OPRM1: variants seen among roughly 807,000 people sequenced by gnomAD.
The protein encoded by OPRM1 is mu-type opioid receptor.
A neutral mutation model predicts 31.8 loss-of-function variants in OPRM1; 27 were observed. That is an observed-to-expected ratio of 0.85 (90% confidence interval 0.63 to 1.17). The LOEUF is 1.17. Among genes scored for constraint, OPRM1 ranks in the 50% most tolerant of loss-of-function variants. The pLI is 0.00. For missense variants in OPRM1, 536 were observed against 511.1 expected (o/e 1.05, Z -0.47); for synonymous variants, 196 against 189.9 (o/e 1.03, Z -0.26).
chr6:154,091,048 T>C lies in OPRM1; in HGVS notation c.740T>C (p.Val247Ala). 6.2e-7 allele frequency: 1 copy of C among 1,614,230 alleles called. No individual in the cohort carries two copies. The highest frequency in any genetic ancestry group is 8.5e-7 in the Non-Finnish European group (1 of 1,180,032). ...TTCATCTTCGCCTTCATTATGCCAG[T>C]GCTCATCATTACCGTGTGCTATGGA... is the stretch of plus-strand genomic sequence containing the variant. ...CVFIFAFIMP[V>A]LIITVCYGLM... The change falls in exon 3 of 4, where the codon GTG (valine) becomes GCG (alanine). Residue 247 changes from valine (V) to alanine (A), a missense_variant. Physicochemically the swap from Val to Ala is moderately conservative, Grantham distance 64. Transcript: ENST00000330432.
rs1037373122 is a variant in OPRM1, at chr6:154,124,005, T to G, written c.*5284T>G. ...CAGCCCAGTAGGTCTCAGCCTTATTTTACCCAGCCTCTATTCAAGATGGAG... is the reference window on the plus strand; with the variant it reads ...CAGCCCAGTAGGTCTCAGCCTTATTGTACCCAGCCTCTATTCAAGATGGAG... On this transcript the variant is annotated 3_prime_UTR_variant, in exon 4 of 4. Coordinates refer to ENST00000330432, the MANE Select transcript of OPRM1 (RefSeq NM_000914.5). 5.9e-5 allele frequency among the ~76,000 whole-genome samples: 9 copies of G among 152,140 alleles called. No homozygotes were observed. Among genetic ancestry groups the G allele is most frequent in the African/African-American group, 2.2e-4 (9 of 41,430 alleles).
At chr6:154,184,039 G>A (rs996622638) in intron 3 of OPRM1, among the ~76,000 whole-genome samples, 4 of 151,978 alleles carry the variant, frequency 2.6e-5, no homozygotes, top group Admixed American at 6.5e-5. Flanking sequence ...CTGCATATTC[G>A]ATCCCCTGAG....
At chr6:154,045,275 C>T (rs958686195) in intron 1 of OPRM1, among the ~76,000 whole-genome samples, 1 of 152,014 alleles carries the variant, frequency 6.6e-6, no homozygotes, top group Non-Finnish European at 1.5e-5. Context: ...AATACCAAGA[C>T]TAAATGGTGC....
In OPRM1 at chr6:154,162,836, T is replaced by G. The variant is rs185852001; in HGVS notation, c.1164+71364T>G. Among the ~76,000 whole-genome samples, 510 of 152,242 alleles carry G rather than the reference T, an allele frequency of 3.3e-3. 1 individual carries two copies. The highest frequency in any genetic ancestry group is 5.0e-3 in the Non-Finnish European group (342 of 67,990). On this transcript the variant is annotated intron_variant, in intron 3 of 3. Coordinates refer to the OPRM1 transcript ENST00000337049. The stretch of plus-strand genomic sequence containing the variant: ...TTTGTCTAAACTTCCTCTTCAGCAG[T>G]TCCACATCAACCCCTAAGAGGCATC...
At chr6:154,245,124 A>G (rs2128640929) in intron 3 of OPRM1, among the ~76,000 whole-genome samples, 1 of 152,332 alleles carries the variant, frequency 6.6e-6, no homozygotes, top group South Asian at 2.1e-4. Flanking sequence ...GGTTGCCTCA[A>G]TTTGGGTAAA....
chr6:154,086,640 G>T, intron 1 of OPRM1: 1 of 983,806 alleles, frequency 1.0e-6, no homozygotes, highest in Non-Finnish European at 1.2e-6. Flanking sequence ...AACATACATT[G>T]GAAATACTTA....
intron 3 of OPRM1, among the ~76,000 whole-genome samples, chr6:154,224,211 G>C (rs1024995664): frequency 6.6e-6 from 1 of 152,202 alleles, no homozygotes; most frequent in African/African-American, 2.4e-5. Context: ...TTACAAGTCA[G>C]CTAGCTATTA....
intron 3 of OPRM1, among the ~76,000 whole-genome samples, chr6:154,103,096 G>C (rs1795104104): frequency 6.6e-6 from 1 of 152,088 alleles, no homozygotes; most frequent in East Asian, 1.9e-4. Flanking sequence ...ACCCCAGGAG[G>C]CTCTGAATGA....
At chr6:154,080,320 C>T (rs990822918) in intron 1 of OPRM1, among the ~76,000 whole-genome samples, 16 of 152,158 alleles carry the variant, frequency 1.1e-4, no homozygotes, top group African/African-American at 3.9e-4. Context: ...TGCAAGAATC[C>T]TGATAAATTG....
Position 154,118,756 on chromosome 6 carries a change from T to A in OPRM1, c.*35T>A. Reference sequence around the variant, plus strand: ...ATGCCATTCCGACCTTCACCAAGCTTAGAAGCCACCATGTATGTGGAAGCA... The same window carrying A: ...ATGCCATTCCGACCTTCACCAAGCTAAGAAGCCACCATGTATGTGGAAGCA... On this transcript the variant is annotated 3_prime_UTR_variant, in exon 4 of 4. Transcript: ENST00000330432. 1 of 1,611,788 alleles carries A rather than the reference T, an allele frequency of 6.2e-7. No individual in the cohort carries two copies. The highest frequency in any genetic ancestry group is 8.5e-7 in the Non-Finnish European group (1 of 1,179,216).
At position 154,159,524 on chromosome 6, in the gene OPRM1, G is replaced by A. The variant is rs1798847510; in HGVS notation, c.1164+68052G>A. The A allele has an allele frequency of 8.1e-6, 3 of 370,320 alleles. No homozygotes were observed. In the Admixed American group the frequency reaches 1.5e-4, roughly 18 times the overall value. The allele number at this position is 370,320 out of a possible 1,614,324, so 22.9% of individuals were successfully genotyped here. On this transcript the variant is annotated intron_variant, in intron 3 of 3. Transcript: ENST00000337049. ...TCCATAGCATTCTCTGGAGAGCAAT[G>A]AACAGAAGAGACATTTCTCACATCC...
At chr6:154,044,532 A>T (rs1189329050) in intron 1 of OPRM1, among the ~76,000 whole-genome samples, 1 of 152,038 alleles carries the variant, frequency 6.6e-6, no homozygotes, top group African/African-American at 2.4e-5. Context: ...TTTTTTTTTA[A>T]ATGTGTTAAA....
chr6:154,017,660 G>T (rs1297385534), intron 1 of OPRM1, among the ~76,000 whole-genome samples: 1 of 152,142 alleles, frequency 6.6e-6, no homozygotes. Flanking sequence ...ATAAAGGGAA[G>T]AAGTCTGAAG....
intron 1 of OPRM1, among the ~76,000 whole-genome samples, chr6:154,019,908 AT>A (rs1392055524): frequency 4.0e-5 from 6 of 151,404 alleles, no homozygotes; most frequent in Non-Finnish European, 7.4e-5. Flanking sequence ...TAATTTTTGT[AT>A]TTTTTGTAGA....
intron 3 of OPRM1, among the ~76,000 whole-genome samples, chr6:154,152,340 AAAG>A (rs1349591863): frequency 8.1e-4 from 8 of 9,834 alleles, no homozygotes; most frequent in East Asian, 7.2e-3. Context: ...AGAAAGAAAG[AAAG>A]AAAGGAAAGA....
chr6:154,024,604 T>C (rs56682368), intron 1 of OPRM1, among the ~76,000 whole-genome samples: 4,357 of 151,928 alleles, frequency 0.029, 201 homozygotes, highest in African/African-American at 0.1. Context: ...TTTGTTTTTG[T>C]TTTCCTAATT....
At chr6:154,145,024 C>T (rs1011212918) in intron 3 of OPRM1, among the ~76,000 whole-genome samples, 1 of 151,902 alleles carries the variant, frequency 6.6e-6, no homozygotes, top group Non-Finnish European at 1.5e-5. Context: ...AAAACTACAG[C>T]TACAATTATA....
chr6:154,150,065 T>C (rs970050303), intron 3 of OPRM1, among the ~76,000 whole-genome samples: 7 of 152,240 alleles, frequency 4.6e-5, no homozygotes, highest in African/African-American at 1.4e-4. Context: ...ATTCAATTGT[T>C]TGAGTTTTTC....
At chr6:154,165,305 C>T (rs1017589012) in intron 3 of OPRM1, among the ~76,000 whole-genome samples, 1 of 152,142 alleles carries the variant, frequency 6.6e-6, no homozygotes, top group African/African-American at 2.4e-5. Context: ...CCCATCCTCT[C>T]CTCTTCCTCA....
Sources: gnomAD v4.1 joint callset for allele counts (sites outside exome capture counted in the v4.1 genomes callset) on GRCh38, gnomAD v4.1.1 for gene constraint, MANE v1.5 for transcripts, NCBI Gene and HGNC (gene_info 2026-07-23, HGNC 2026-07-21) for gene names.